TTLL11: variants seen among roughly 807,000 people sequenced by gnomAD.
The protein encoded by TTLL11 is tubulin polyglutamylase TTLL11.
TTLL11 carries 42 observed loss-of-function variants against 51.7 expected under a neutral mutation model. The ratio of observed to expected loss-of-function variants is 0.81; its 90% CI spans 0.64 to 1.05. TTLL11 has a LOEUF of 1.05. Among genes scored for constraint, TTLL11 ranks in the 50% least tolerant of loss-of-function variants. The pLI is 0.00. For missense variants in TTLL11, 799 were observed against 940.4 expected (o/e 0.85, Z 1.97); for synonymous variants, 381 against 383.5 (o/e 0.99, Z 0.08).
intron 6 of TTLL11, among the ~76,000 whole-genome samples, chr9:121,897,155 C>T (rs1455568282): frequency 1.3e-5 from 2 of 152,134 alleles, no homozygotes; most frequent in African/African-American, 4.8e-5. Context: ...TGGCTCACCC[C>T]CACACAGAGG....
At chr9:122,079,492 A>G in intron 1 of TTLL11, among the ~76,000 whole-genome samples, 1 of 152,028 alleles carries the variant, frequency 6.6e-6, no homozygotes, top group South Asian at 2.1e-4. Context: ...TGGGTGGAGC[A>G]TGAGGTCAAG....
At chr9:121,950,991 C>T (rs1166700857) in intron 6 of TTLL11, among the ~76,000 whole-genome samples, 1 of 152,168 alleles carries the variant, frequency 6.6e-6, no homozygotes, top group African/African-American at 2.4e-5. Flanking sequence ...CAGAGTGAAG[C>T]CACAGCCCCC....
chr9:122,026,804 G>C (rs908854283), intron 3 of TTLL11, among the ~76,000 whole-genome samples: 30 of 150,960 alleles, frequency 2.0e-4, no homozygotes, highest in African/African-American at 7.1e-4. Flanking sequence ...AAGACATCTT[G>C]ACATCATGTA....
intron 8 of TTLL11, among the ~76,000 whole-genome samples, chr9:121,826,557 GTATA>G (rs1171227988): frequency 0.024 from 1,238 of 51,328 alleles, 89 homozygotes; most frequent in African/African-American, 0.04. Context: ...ATATGTGTGT[GTATA>G]TATATATATA....
chr9:121,964,116 A>G (rs1842325051), intron 6 of TTLL11, among the ~76,000 whole-genome samples: 1 of 152,156 alleles, frequency 6.6e-6, no homozygotes, highest in South Asian at 2.1e-4. Context: ...CCAGATAGAA[A>G]AACAACTCCA....
At chr9:121,923,140 A>G (rs1840599827) in intron 6 of TTLL11, among the ~76,000 whole-genome samples, 1 of 152,202 alleles carries the variant, frequency 6.6e-6, no homozygotes, top group African/African-American at 2.4e-5. Context: ...TAGCCCTGTG[A>G]TTCTAGAGCT....
Position 121,826,183 on chromosome 9 carries a change from C to CAT in TTLL11, c.1841-3305_1841-3304insAT, listed in dbSNP as rs1564259884. Among the ~76,000 whole-genome samples, 24 of 3,952 alleles carry CAT rather than the reference C, an allele frequency of 6.1e-3. 2 individuals are homozygous for CAT. Among genetic ancestry groups the CAT allele is most frequent in the East Asian group, 0.029 (2 of 68 alleles). The allele number at this position is 3,952 out of a possible 152,430, so 2.6% of individuals were successfully genotyped here. A position where few individuals can be genotyped will look rare whatever the true frequency, so the allele number is the denominator to read the frequency against. On this transcript the variant is annotated intron_variant, in intron 8 of 8. Transcript: ENST00000321582. ...ATATATATATATATATAACCAGTAACCTATATATATATATATATATATATA... is the reference window on the plus strand; with the variant it reads ...ATATATATATATATATAACCAGTAACATCTATATATATATATATATATATATA...
intron 3 of TTLL11, among the ~76,000 whole-genome samples, chr9:121,996,009 A>T (rs1286808789): frequency 6.6e-6 from 1 of 152,206 alleles, no homozygotes; most frequent in Non-Finnish European, 1.5e-5. Context: ...GTTCCAGTTA[A>T]GAAAATCTAA....
At chr9:121,970,984 T>C (rs1413789505) in intron 6 of TTLL11, among the ~76,000 whole-genome samples, 6 of 151,638 alleles carry the variant, frequency 4.0e-5, no homozygotes, top group Non-Finnish European at 7.4e-5. Flanking sequence ...ATAAAGAAAA[T>C]GTGGCCGGCC....
chr9:121,825,012 C>T (rs941747437), intron 8 of TTLL11, among the ~76,000 whole-genome samples: 13 of 152,124 alleles, frequency 8.5e-5, no homozygotes, highest in African/African-American at 1.7e-4. Context: ...CCTACAAGGG[C>T]GCTGCTCTGT....
chr9:122,078,555 T>C (rs1320524040), intron 1 of TTLL11, among the ~76,000 whole-genome samples: 1 of 152,150 alleles, frequency 6.6e-6, no homozygotes, highest in Non-Finnish European at 1.5e-5. Context: ...TCAAGGAATA[T>C]GGGAAATAAG....
At chr9:121,823,090 A>G (rs188388481) in intron 8 of TTLL11, among the ~76,000 whole-genome samples, 16 of 152,336 alleles carry the variant, frequency 1.1e-4, no homozygotes, top group African/African-American at 3.8e-4. Context: ...CCATGTGCAG[A>G]CCAAATCTCT....
chr9:121,935,727 T>G (rs1236510195), intron 6 of TTLL11, among the ~76,000 whole-genome samples: 2 of 152,106 alleles, frequency 1.3e-5, no homozygotes, highest in Non-Finnish European at 2.9e-5. Flanking sequence ...TGGAGAGAAT[T>G]ACAAAATTGA....
At chr9:121,855,659 G>T (rs1837792910) in intron 8 of TTLL11, among the ~76,000 whole-genome samples, 1 of 152,124 alleles carries the variant, frequency 6.6e-6, no homozygotes, top group South Asian at 2.1e-4. Flanking sequence ...AGGGGAGGGA[G>T]ACCCTGTCAA....
intron 1 of TTLL11, among the ~76,000 whole-genome samples, chr9:122,086,885 C>A (rs891115658): frequency 6.6e-6 from 1 of 152,242 alleles, no homozygotes; most frequent in East Asian, 1.9e-4. Flanking sequence ...TGAACCCTGA[C>A]TTTCTCACTT....
Position 121,989,864 on chromosome 9 carries a change from T to C in TTLL11, c.694-94A>G, listed in dbSNP as rs372605387. Reference sequence around the variant, plus strand: ...CCTTAGCAAATGTGTGGTGAATGAGTGACAAGATGATCCCTGCCGATCTGA... The same window carrying C: ...CCTTAGCAAATGTGTGGTGAATGAGCGACAAGATGATCCCTGCCGATCTGA... On this transcript the variant is annotated intron_variant, in intron 3 of 8. Coordinates refer to ENST00000321582, the MANE Select transcript of TTLL11 (RefSeq NM_001139442.2). The surrounding 1 kb of genome is among the most constrained non-coding windows in gnomAD (Gnocchi z 4.2). 1.3e-5 allele frequency: 19 copies of C among 1,510,470 alleles called. No individual in the cohort carries two copies. The African/African-American group carries it at 1.4e-4, about 11-fold the overall frequency. 93.6% of individuals were successfully genotyped at this position (1,510,470 alleles called of 1,614,324 possible). A position where few individuals can be genotyped will look rare whatever the true frequency, so the allele number is the denominator to read the frequency against.
chr9:121,921,164 C>G (rs1840527276), intron 6 of TTLL11, among the ~76,000 whole-genome samples: 1 of 152,226 alleles, frequency 6.6e-6, no homozygotes, highest in South Asian at 2.1e-4. Context: ...TGGTGGTATG[C>G]AAAAGACGTC....
chr9:122,032,647 CAA>C (rs1384330202), intron 2 of TTLL11, among the ~76,000 whole-genome samples: 9 of 85,086 alleles, frequency 1.1e-4, no homozygotes, highest in Admixed American at 1.3e-4. Context: ...GACTCCGTCT[CAA>C]AAAAAAAAAA....
chr9:121,990,706 T>G (rs958205998), intron 3 of TTLL11, among the ~76,000 whole-genome samples: 4 of 152,170 alleles, frequency 2.6e-5, no homozygotes, highest in African/African-American at 9.7e-5. Context: ...TTGTTTTATG[T>G]TTACATCCCT....
Sources: allele counts gnomAD v4.1 joint callset (sites outside exome capture counted in the v4.1 genomes callset), GRCh38; gene constraint gnomAD v4.1.1; non-coding constraint Gnocchi (gnomAD v3.1); transcripts MANE v1.5; gene names NCBI Gene and HGNC (gene_info 2026-07-23, HGNC 2026-07-21).